Variants in FLT1 observed in about 807,000 individuals in gnomAD.
The protein encoded by FLT1 is fms related receptor tyrosine kinase 1, also known as vascular endothelial growth factor receptor 1.
FLT1 carries 49 observed loss-of-function variants against 156.3 expected under a neutral mutation model. The observed-to-expected ratio is 0.31, with a 90% CI of 0.25 to 0.40. The LOEUF (loss-of-function observed/expected upper bound fraction) is 0.40, where lower values mean the gene tolerates loss of function less well. FLT1 is among the 10% of genes least tolerant of loss of function. The pLI is 1.00. For missense variants in FLT1, 1,322 were observed against 1,637.2 expected (o/e 0.81, Z 3.32); for synonymous variants, 594 against 583.8 (o/e 1.02, Z -0.25).
intron 12 of FLT1, 74 bp downstream of exon 12, chr13:28,396,886 G>T: frequency 1.1e-6 from 1 of 880,566 alleles, no homozygotes; most frequent in Non-Finnish European, 1.9e-6. Flanking sequence ...AGCTATAAAT[G>T]CACTAAAAGC....
At chr13:28,396,680 G>T in intron 12 of FLT1, 1 of 536,336 alleles carries the variant, frequency 1.9e-6, no homozygotes, top group Non-Finnish European at 3.4e-6. Flanking sequence ...AGGTACTGAA[G>T]GGAATGAAAA....
chr13:28,337,673 C>T (rs1276294736), intron 17 of FLT1, among the ~76,000 whole-genome samples: 1 of 152,194 alleles, frequency 6.6e-6, no homozygotes, highest in Non-Finnish European at 1.5e-5. Context: ...TGATCTTCAA[C>T]AAGGAGACTC....
intron 12 of FLT1, among the ~76,000 whole-genome samples, chr13:28,394,173 C>T (rs1266752499): frequency 6.6e-6 from 1 of 152,050 alleles, no homozygotes. Context: ...GCAAGTTAAC[C>T]TAATATCACA....
At chr13:28,390,775 CA>C (rs1653923354) in intron 12 of FLT1, among the ~76,000 whole-genome samples, 1 of 152,138 alleles carries the variant, frequency 6.6e-6, no homozygotes, top group Non-Finnish European at 1.5e-5. Context: ...AGTGAAGTAA[CA>C]TAAGAGCAAT....
At position 28,310,276 on chromosome 13, in the gene FLT1, C is replaced by T. The variant is rs899736267; in HGVS notation, c.3635+1314G>A. Among the ~76,000 whole-genome samples the T allele has an allele frequency of 9.9e-5, 15 of 152,258 alleles. No individual in the cohort carries two copies. The East Asian group carries it at 1.7e-3, about 18-fold the overall frequency. On this transcript the variant is annotated intron_variant, in intron 27 of 29. Transcript: ENST00000282397. ...GGTTAGAGCCAGAGAGCTGTGCCTA[C>T]TGCAAAGAGAGATGCTAGAGGCCCA... is the stretch of plus-strand genomic sequence containing the variant.
chr13:28,323,068 G>A (rs923372271), intron 20 of FLT1, 122 bp from the exon 21 acceptor site: 13 of 1,057,990 alleles, frequency 1.2e-5, no homozygotes, highest in Admixed American at 5.3e-5. Context: ...AAAATGGATC[G>A]TGAACTAGCA....
At chr13:28,399,733 C>T (rs889930201) in intron 11 of FLT1, among the ~76,000 whole-genome samples, 9 of 152,142 alleles carry the variant, frequency 5.9e-5, no homozygotes, top group Non-Finnish European at 1.0e-4. Context: ...TGAATGACAC[C>T]TTCCAAACAA....
chr13:28,440,995 A>AAT (rs1185113456), intron 3 of FLT1, among the ~76,000 whole-genome samples: 2 of 152,148 alleles, frequency 1.3e-5, no homozygotes, highest in African/African-American at 4.8e-5. Context: ...TTTCTAAAAT[A>AAT]ATAATTAGTC....
In FLT1 at chr13:28,441,472, T is replaced by C. The variant is rs182865994; in HGVS notation, c.389-3127A>G. On this transcript the variant is annotated intron_variant, in intron 3 of 29. Transcript: ENST00000282397. ...CCTTACACCTACTAATGCCCTTGGC[T>C]GAATTCCTTCCTCCAAGGAGGCAAG... 2.9e-3 allele frequency among the ~76,000 whole-genome samples: 437 copies of C among 152,330 alleles called. 4 individuals are homozygous for C. Among genetic ancestry groups the C allele is most frequent in the African/African-American group, 0.01 (419 of 41,566 alleles).
At chr13:28,460,656 C>CCCCCA (rs1290348667) in intron 3 of FLT1, among the ~76,000 whole-genome samples, 1 of 134,832 alleles carries the variant, frequency 7.4e-6, no homozygotes, top group African/African-American at 2.7e-5. Context: ...TGTGCCCCTC[C>CCCCCA]CCCCACCCCA....
At chr13:28,361,758 C>T (rs531119829) in intron 14 of FLT1, among the ~76,000 whole-genome samples, 42 of 152,260 alleles carry the variant, frequency 2.8e-4, no homozygotes, top group Middle Eastern at 6.8e-3. Flanking sequence ...TTTCTTTGAA[C>T]ATTTTTTCAT....
intron 25 of FLT1, among the ~76,000 whole-genome samples, chr13:28,312,744 C>T (rs775121824): frequency 2.2e-4 from 34 of 152,130 alleles, no homozygotes; most frequent in East Asian, 1.9e-4. Context: ...GTGGAGTTTC[C>T]GGGGCTGTGA....
At chr13:28,415,165 C>T (rs1336122824) in intron 10 of FLT1, among the ~76,000 whole-genome samples, 3 of 152,184 alleles carry the variant, frequency 2.0e-5, no homozygotes, top group Non-Finnish European at 4.4e-5. Flanking sequence ...AAGATAGGCA[C>T]AAATATTGGC....
intron 11 of FLT1, chr13:28,398,979 G>C (rs906475181): frequency 1.9e-6 from 2 of 1,025,658 alleles, no homozygotes; most frequent in Non-Finnish European, 3.0e-6. Flanking sequence ...ATCTTTTTAA[G>C]AGGTGGGACA....
chr13:28,429,917 G>A (rs1414343017), intron 8 of FLT1, 133 bp downstream of exon 8: 3 of 756,828 alleles, frequency 4.0e-6, no homozygotes, highest in Middle Eastern at 2.7e-4. Flanking sequence ...AGAATCTACA[G>A]AGTTCTGAGC....
rs1872001765 is a variant in FLT1, at chr13:28,333,472, TCA to T, written c.2593+551_2593+552del. ...TGATTTGGTTCTACCTCCCAGTGCT[TCA>T]CAGAGTAGTAGTATCTTTCAACACT... is the stretch of plus-strand genomic sequence containing the variant. On this transcript the variant is annotated intron_variant, in intron 18 of 29. Coordinates refer to ENST00000282397, the MANE Select transcript of FLT1 (RefSeq NM_002019.4). Among the ~76,000 whole-genome samples, 4 of 152,224 alleles carry T rather than the reference TCA, an allele frequency of 2.6e-5. No homozygotes were observed. In the South Asian group the frequency reaches 8.3e-4, roughly 32 times the overall value.
chr13:28,300,558 T>C lies in FLT1; in HGVS notation c.*2609A>G, dbSNP rs3209052. ...ACACACACACACACACACACACACA[T>C]ACAGTTACACCACTGTCGGCCAAAG... On this transcript the variant is annotated 3_prime_UTR_variant, in exon 30 of 30. Transcript: ENST00000282397. The C allele has an allele frequency of 0.17, 39,252 of 225,226 alleles. 4,826 individuals are homozygous for C. Among genetic ancestry groups the C allele is most frequent in the African/African-American group, 0.4 (16,516 of 41,250 alleles). The allele number at this position is 225,226 out of a possible 1,614,324, so 14.0% of individuals were successfully genotyped here.
chr13:28,352,625 T>C (rs1872765053), intron 15 of FLT1, among the ~76,000 whole-genome samples: 1 of 152,214 alleles, frequency 6.6e-6, no homozygotes, highest in African/African-American at 2.4e-5. Flanking sequence ...ATTTGAAGTA[T>C]AGGCATGTGT....
At chr13:28,458,824 A>C (rs1461648440) in intron 3 of FLT1, among the ~76,000 whole-genome samples, 1 of 152,244 alleles carries the variant, frequency 6.6e-6, no homozygotes, top group Non-Finnish European at 1.5e-5. Flanking sequence ...ATGTGGTCCT[A>C]ATCAGCTGTC....
Sources: gnomAD v4.1 joint callset for allele counts (sites outside exome capture counted in the v4.1 genomes callset) on GRCh38, gnomAD v4.1.1 for gene constraint, MANE v1.5 for transcripts, NCBI Gene and HGNC (gene_info 2026-07-23, HGNC 2026-07-21) for gene names.